The following SVOP variants were observed in gnomAD, a reference collection of about 807,000 sequenced individuals.
SVOP encodes the protein synaptic vesicle 2-related protein.
SVOP carries 17 observed loss-of-function variants against 69.1 expected under a neutral mutation model. The observed-to-expected ratio is 0.25, with a 90% CI of 0.17 to 0.37. SVOP has a LOEUF of 0.37. SVOP is among the 10% of genes least tolerant of loss of function. The pLI, the probability that SVOP is intolerant of heterozygous loss-of-function variation, is 1.00. For synonymous variants in SVOP, 238 were observed against 238.6 expected (o/e 1.00, Z 0.02); for missense variants, 435 against 597.5 (o/e 0.73, Z 2.84).
chr12:108,967,283 G>A (rs1381868746), intron 5 of SVOP, among the ~76,000 whole-genome samples: 5 of 151,940 alleles, frequency 3.3e-5, no homozygotes, highest in Non-Finnish European at 4.4e-5. Flanking sequence ...GGCAGATCAC[G>A]AGGTCAGGAG....
At chr12:108,993,324 A>G (rs1435924831) in intron 1 of SVOP, among the ~76,000 whole-genome samples, 2 of 151,510 alleles carry the variant, frequency 1.3e-5, no homozygotes, top group Non-Finnish European at 2.9e-5. Flanking sequence ...CCCCATTTCT[A>G]AGGGGAAAAA....
chr12:108,921,212 C>A (rs73410991), intron 12 of SVOP, among the ~76,000 whole-genome samples: 7,698 of 152,200 alleles, frequency 0.051, 380 homozygotes, highest in African/African-American at 0.13. Flanking sequence ...AGTTTAACTT[C>A]TAGCCTTCAT....
chr12:108,956,227 T>C (rs1320904379), intron 6 of SVOP, among the ~76,000 whole-genome samples: 1 of 149,378 alleles, frequency 6.7e-6, no homozygotes, highest in African/African-American at 2.5e-5. Flanking sequence ...GTGTGAACCC[T>C]GGAGGCGGAG....
chr12:109,019,920 C>T (rs951925633), intron 1 of SVOP, among the ~76,000 whole-genome samples: 5 of 152,178 alleles, frequency 3.3e-5, no homozygotes, highest in Admixed American at 6.5e-5. Context: ...TACACACACA[C>T]TAACTATAAT....
At chr12:108,946,221 A>G (rs2039921962) in intron 6 of SVOP, among the ~76,000 whole-genome samples, 1 of 151,856 alleles carries the variant, frequency 6.6e-6, no homozygotes, top group Non-Finnish European at 1.5e-5. Context: ...CTCCAAGACT[A>G]CAAGTGCTAG....
chr12:108,988,770 C>CCT (rs2040181076), intron 1 of SVOP, among the ~76,000 whole-genome samples: 3 of 92,182 alleles, frequency 3.3e-5, no homozygotes, highest in Non-Finnish European at 6.1e-5. Flanking sequence ...TCTTTTCTCT[C>CCT]TTTTTTTTTT....
chr12:108,977,656 T>A (rs2137434229), intron 3 of SVOP, among the ~76,000 whole-genome samples, 160 bp from the exon 4 acceptor site: 1 of 152,348 alleles, frequency 6.6e-6, no homozygotes, highest in African/African-American at 2.4e-5. Context: ...GCTCCAGCAG[T>A]TAAAACCATG....
chr12:108,978,411 A>G, intron 3 of SVOP, 167 bp downstream of exon 3: 1 of 566,734 alleles, frequency 1.8e-6, no homozygotes, highest in Non-Finnish European at 3.1e-6. Context: ...CCTCAAGCAC[A>G]GATCTCGTTA....
chr12:108,982,218 T>A (rs933930118), intron 2 of SVOP, among the ~76,000 whole-genome samples: 32 of 147,892 alleles, frequency 2.2e-4, no homozygotes, highest in African/African-American at 7.8e-4. Context: ...CATCATCATC[T>A]TCATCACCAT....
At chr12:108,988,172 A>C (rs143759159) in intron 1 of SVOP, among the ~76,000 whole-genome samples, 1,786 of 151,838 alleles carry the variant, frequency 0.012, 15 homozygotes, top group Middle Eastern at 0.02. Flanking sequence ...CGATCTACCC[A>C]CCTTGGCCTC....
intron 5 of SVOP, among the ~76,000 whole-genome samples, chr12:108,965,383 T>G (rs774560632): frequency 7.2e-5 from 11 of 152,162 alleles, no homozygotes; most frequent in Non-Finnish European, 1.5e-4. Flanking sequence ...CTGTGACCTC[T>G]GACAGAAAAC....
chr12:108,935,224 C>T (rs190321996), intron 10 of SVOP, among the ~76,000 whole-genome samples: 1 of 152,294 alleles, frequency 6.6e-6, no homozygotes, highest in East Asian at 1.9e-4. Context: ...CAGAATGACA[C>T]CGTTTATTAA....
intron 1 of SVOP, among the ~76,000 whole-genome samples, chr12:108,991,837 T>G (rs36141901): frequency 0.55 from 82,780 of 151,624 alleles, 24,739 homozygotes; most frequent in South Asian, 0.69. Context: ...TCTTGGCTAC[T>G]CAAAAGGCTG....
intron 11 of SVOP, among the ~76,000 whole-genome samples, chr12:108,932,969 G>A (rs1430386899): frequency 6.6e-6 from 1 of 151,976 alleles, no homozygotes; most frequent in African/African-American, 2.4e-5. Flanking sequence ...ACCCCCACCT[G>A]CTGAGTCCAA....
chr12:108,919,361 T>A (rs542023819), intron 13 of SVOP, among the ~76,000 whole-genome samples: 1 of 120,384 alleles, frequency 8.3e-6, no homozygotes, highest in Admixed American at 8.0e-5. Context: ...GCACCCACAC[T>A]TGGGCCTATA....
chr12:108,938,797 A>G (rs756636582), intron 9 of SVOP, 30 bp downstream of exon 9: 32 of 1,613,736 alleles, frequency 2.0e-5, no homozygotes, highest in Admixed American at 3.3e-5. Context: ...CGATACGCAC[A>G]TTGCAGAGTC....
chr12:108,968,562 T>C (rs1445873009), intron 5 of SVOP, among the ~76,000 whole-genome samples: 5 of 152,134 alleles, frequency 3.3e-5, no homozygotes, highest in East Asian at 1.9e-4. Context: ...AGATGGGGAG[T>C]GGCTTGCTTT....
rs1409555141 is a variant in SVOP at position 108,910,163 on chromosome 12, C to G, written c.*2372G>C. ...ATTTTTAGTAGAGACGGGGTTTCAC[C>G]ATGTTAGCCAGGATGGTCTCGATCT... On this transcript the variant is annotated 3_prime_UTR_variant, in exon 16 of 16. Coordinates refer to ENST00000610966, the MANE Select transcript of SVOP (RefSeq NM_018711.5). 1.3e-5 allele frequency: 2 copies of G among 152,294 alleles called. No homozygotes were observed. Among genetic ancestry groups the G allele is most frequent in the East Asian group, 3.9e-4 (2 of 5,188 alleles). 9.4% of individuals were successfully genotyped at this position (152,294 alleles called of 1,614,324 possible). A position where few individuals can be genotyped will look rare whatever the true frequency, so the allele number is the denominator to read the frequency against.
At chr12:108,919,280 C>T (rs1397386359) in intron 13 of SVOP, among the ~76,000 whole-genome samples, 1 of 150,564 alleles carries the variant, frequency 6.6e-6, no homozygotes, top group Non-Finnish European at 1.5e-5. Context: ...GCATCTACCC[C>T]ACCTGTACCC....
Sources: gnomAD v4.1 joint callset for allele counts (sites outside exome capture counted in the v4.1 genomes callset) on GRCh38, gnomAD v4.1.1 for gene constraint, MANE v1.5 for transcripts, NCBI Gene and HGNC (gene_info 2026-07-23, HGNC 2026-07-21) for gene names.